The following ESRRB variants were observed in gnomAD, a reference collection of about 807,000 sequenced individuals.
ESRRB encodes steroid hormone receptor ERR2.
A neutral mutation model predicts 46.0 loss-of-function variants in ESRRB; 16 were observed. That is an observed-to-expected ratio of 0.35 (90% CI 0.24 to 0.53). The LOEUF (loss-of-function observed/expected upper bound fraction) is 0.53, where lower values mean the gene tolerates loss of function less well. ESRRB is among the 20% of genes least tolerant of loss of function. The pLI is 0.93. For missense variants in ESRRB, 488 were observed against 607.4 expected (o/e 0.80, Z 2.07); for synonymous variants, 246 against 259.6 (o/e 0.95, Z 0.50).
chr14:76,416,133 C>CT (rs550161182), intron 1 of ESRRB, among the ~76,000 whole-genome samples: 14,002 of 131,724 alleles, frequency 0.11, 1,030 homozygotes, highest in East Asian at 0.26. Flanking sequence ...ACCATTTTCC[C>CT]TTTTTTTTTT....
In ESRRB at chr14:76,482,021, C is replaced by T. The variant is rs138510486; in HGVS notation, c.583C>T (p.Arg195Cys). The T allele has an allele frequency of 2.5e-6, 4 of 1,613,826 alleles. No homozygotes were observed. The highest frequency in any genetic ancestry group is 2.2e-5 in the East Asian group (1 of 44,882). The change falls in exon 4 of 7, where the codon CGC (arginine) becomes TGC (cysteine). Residue 195 changes from arginine (R) to cysteine (C), a missense_variant. Physicochemically the swap from Arg to Cys is radical, Grantham distance 180. Transcript: ENST00000644823. This position sits in a 1 kb window ranked among gnomAD's most constrained non-coding sequence, Gnocchi z 4.3. ...LKVGMLKEGVRLDRVRGGRQK... is the reference protein window; with the variant it reads ...LKVGMLKEGVCLDRVRGGRQK... The stretch of plus-strand genomic sequence containing the variant: ...TTCCCTTTCCTCCCCAATAGGTGTG[C>T]GCCTTGATCGAGTGCGTGGAGGCCG...
chr14:76,314,402 C>T (rs1883773025), intron 1 of ESRRB, among the ~76,000 whole-genome samples: 1 of 152,164 alleles, frequency 6.6e-6, no homozygotes, highest in Non-Finnish European at 1.5e-5. Flanking sequence ...TTCTCCTGCT[C>T]CAGTTCGGAG....
At chr14:76,396,408 A>G (rs865801409) in intron 1 of ESRRB, among the ~76,000 whole-genome samples, 1 of 152,188 alleles carries the variant, frequency 6.6e-6, no homozygotes, top group African/African-American at 2.4e-5. Context: ...AGTTAGCTGT[A>G]GGGAATGGGC....
chr14:76,327,916 G>T (rs1326207705), intron 1 of ESRRB, among the ~76,000 whole-genome samples: 1 of 151,584 alleles, frequency 6.6e-6, no homozygotes, highest in Non-Finnish European at 1.5e-5. Flanking sequence ...GTTTCACCAT[G>T]TTGGCCAGGC....
intron 1 of ESRRB, among the ~76,000 whole-genome samples, chr14:76,343,537 C>A (rs550849350): frequency 3.3e-5 from 5 of 152,334 alleles, no homozygotes; most frequent in African/African-American, 9.6e-5. Flanking sequence ...TCAGCTGGAG[C>A]TGGAGGTGAT....
At chr14:76,451,902 G>A (rs1374210156) in intron 2 of ESRRB, among the ~76,000 whole-genome samples, 1 of 147,874 alleles carries the variant, frequency 6.8e-6, no homozygotes, top group Non-Finnish European at 1.5e-5. Flanking sequence ...AAGTGCCAAA[G>A]TGCAGGGATT....
intron 1 of ESRRB, among the ~76,000 whole-genome samples, chr14:76,319,226 G>A (rs555094053): frequency 5.3e-4 from 80 of 152,338 alleles, no homozygotes; most frequent in African/African-American, 1.7e-3. Flanking sequence ...TCTTCCCTGC[G>A]TAGCATAGCT....
At chr14:76,310,964 C>A (rs1420764510) in intron 1 of ESRRB, 1 of 443,660 alleles carries the variant, frequency 2.3e-6, no homozygotes, top group South Asian at 1.6e-5. Context: ...TCTGCGGGTC[C>A]TTTTCTGTCC....
rs920188366 is a variant in ESRRB at position 76,342,462 on chromosome 14, T to G, written c.2+31546T>G. On this transcript the variant is annotated intron_variant, in intron 1 of 6. Transcript: ENST00000512784. ...ACCAGGGAAATATTGCTGATTACAGTAAGGGCATTCTTCCACCTGACACCT... is the reference window on the plus strand; with the variant it reads ...ACCAGGGAAATATTGCTGATTACAGGAAGGGCATTCTTCCACCTGACACCT... 7.9e-5 allele frequency among the ~76,000 whole-genome samples: 12 copies of G among 152,188 alleles called. No individual in the cohort carries two copies. In the South Asian group the frequency reaches 2.5e-3, roughly 32 times the overall value.
chr14:76,397,193 C>T (rs1338938317), intron 1 of ESRRB, among the ~76,000 whole-genome samples: 2 of 152,332 alleles, frequency 1.3e-5, no homozygotes, highest in African/African-American at 2.4e-5. Context: ...GCAGGGCCTT[C>T]GGATTCAGGT....
rs1444635768 is a variant in ESRRB, at chr14:76,482,143, T to G, written c.688+17T>G. On this transcript the variant is annotated intron_variant, in intron 4 of 6. Coordinates refer to ENST00000644823, the MANE Select transcript of ESRRB (RefSeq NM_001379180.1). This position sits in a 1 kb window ranked among gnomAD's most constrained non-coding sequence, Gnocchi z 4.3. ...AAAAGCCATGTGAGTGTCAGGGCAGTCCCTGCCCCTTTTGCCAGCATCTGT... is the reference window on the plus strand; with the variant it reads ...AAAAGCCATGTGAGTGTCAGGGCAGGCCCTGCCCCTTTTGCCAGCATCTGT... 1 of 1,570,102 alleles carries G rather than the reference T, an allele frequency of 6.4e-7. No homozygotes were observed. Among genetic ancestry groups the G allele is most frequent in the South Asian group, 1.1e-5 (1 of 90,128 alleles).
chr14:76,321,045 T>A (rs75630494), intron 1 of ESRRB, among the ~76,000 whole-genome samples: 5,416 of 152,282 alleles, frequency 0.036, 346 homozygotes, highest in African/African-American at 0.13. Context: ...AAAGATTTTT[T>A]CTTATTTTTT....
intron 6 of ESRRB, among the ~76,000 whole-genome samples, chr14:76,492,929 G>C (rs550607373): frequency 6.6e-6 from 1 of 152,320 alleles, no homozygotes; most frequent in East Asian, 1.9e-4. Flanking sequence ...GGCTGCAGGA[G>C]AAGGATAAAT....
chr14:76,377,953 TA>T (rs745753446), intron 1 of ESRRB, among the ~76,000 whole-genome samples: 1 of 151,090 alleles, frequency 6.6e-6, no homozygotes. Flanking sequence ...TCCTTAATAA[TA>T]ATGGATTCCG....
At chr14:76,481,729 G>C (rs930751045) in intron 3 of ESRRB, among the ~76,000 whole-genome samples, 7 of 152,178 alleles carry the variant, frequency 4.6e-5, no homozygotes, top group African/African-American at 1.7e-4. Flanking sequence ...TGCCTTTGTT[G>C]ACATAAGGAG....
chr14:76,489,826 T>A (rs1890154209), intron 5 of ESRRB, among the ~76,000 whole-genome samples: 1 of 151,958 alleles, frequency 6.6e-6, no homozygotes, highest in Non-Finnish European at 1.5e-5. Context: ...AGCTGGGTGG[T>A]CCAGAAGCTC....
chr14:76,317,095 T>C (rs1202458881), intron 1 of ESRRB, among the ~76,000 whole-genome samples: 7 of 152,186 alleles, frequency 4.6e-5, no homozygotes, highest in African/African-American at 1.7e-4. Context: ...TGTCAAGTTA[T>C]GAACATCATT....
At chr14:76,359,143 C>T (rs749615010) in intron 1 of ESRRB, among the ~76,000 whole-genome samples, 1 of 152,150 alleles carries the variant, frequency 6.6e-6, no homozygotes, top group Admixed American at 6.5e-5. Flanking sequence ...TGTTAAGTTT[C>T]GATAATAATA....
intron 1 of ESRRB, among the ~76,000 whole-genome samples, chr14:76,438,056 G>T (rs780754855): frequency 2.6e-5 from 4 of 152,128 alleles, no homozygotes; most frequent in Non-Finnish European, 5.9e-5. Context: ...CTTTCCAGTG[G>T]AGACATGTCT....
Sources: allele counts gnomAD v4.1 joint callset (sites outside exome capture counted in the v4.1 genomes callset), GRCh38; gene constraint gnomAD v4.1.1; non-coding constraint Gnocchi (gnomAD v3.1); transcripts MANE v1.5; gene names NCBI Gene and HGNC (gene_info 2026-07-23, HGNC 2026-07-21).